The following LRSAM1 variants were observed in gnomAD, a reference collection of about 807,000 sequenced individuals.
The protein encoded by LRSAM1 is E3 ubiquitin-protein ligase LRSAM1.
In LRSAM1, 96 loss-of-function variants were observed where a neutral mutation model predicts 118.1. That is an observed-to-expected ratio of 0.81 (90% CI 0.69 to 0.96). The LOEUF is 0.96. Among genes scored for constraint, LRSAM1 ranks in the 40% least tolerant of loss-of-function variants. The pLI, the probability that LRSAM1 is intolerant of heterozygous loss-of-function variation, is 0.00. For synonymous variants in LRSAM1, 322 were observed against 364.2 expected, an observed-to-expected ratio of 0.88 and a Z score of 1.32; for missense variants, 804 against 915.5, an observed-to-expected ratio of 0.88 and a Z score of 1.57.
chr9:127,452,335 C>A (rs1047774902), intron 2 of LRSAM1: 1 of 152,262 alleles, frequency 6.6e-6, no homozygotes. Context: ...TGGGGGAGGG[C>A]TGTTTTCAAA....
intron 24 of LRSAM1, among the ~76,000 whole-genome samples, chr9:127,499,857 G>A (rs375299102): frequency 3.3e-5 from 5 of 151,782 alleles, no homozygotes; most frequent in South Asian, 2.1e-4. Context: ...TCCAGGAGGC[G>A]GAGGTTGCAG....
Position 127,462,484 on chromosome 9 carries a change from A to T in LRSAM1, c.528+111A>T, listed in dbSNP as rs1464725857. On this transcript the variant is annotated intron_variant, in intron 9 of 25. Transcript: ENST00000300417. ...CTCACGGTACCAGGGCCACACAGAG[A>T]TCCCAAGGCATGGTCCTTGGAGGCT... 4.5e-6 allele frequency: 7 copies of T among 1,550,304 alleles called. No individual in the cohort carries two copies. The East Asian group carries it at 1.4e-4, about 30-fold the overall frequency.
chr9:127,493,636 G>A (rs1214907168), intron 21 of LRSAM1, among the ~76,000 whole-genome samples: 2 of 152,182 alleles, frequency 1.3e-5, no homozygotes, highest in East Asian at 3.9e-4. Flanking sequence ...ACAGCCATGA[G>A]TATTCACTCC....
intron 17 of LRSAM1, chr9:127,486,803 G>A (rs1835748768): frequency 6.6e-6 from 1 of 152,238 alleles, no homozygotes. Flanking sequence ...ATAATCTCTA[G>A]TGCATAAAGG....
In LRSAM1 at chr9:127,489,527, T is replaced by TG. The variant is rs777176170; in HGVS notation, c.1422+13dup. 8.1e-6 allele frequency: 13 copies of TG among 1,603,512 alleles called. No individual in the cohort carries two copies. The South Asian group carries it at 1.5e-4, about 18-fold the overall frequency. On this transcript the variant is annotated intron_variant, in intron 19 of 25. Coordinates refer to ENST00000300417, the MANE Select transcript of LRSAM1 (RefSeq NM_001005373.4). ...GGCAGATCAGGAGCCAGGTGAGCGCTGGGGCTGGGGTCCCTGGACCTGCTC... is the reference window on the plus strand; with the variant it reads ...GGCAGATCAGGAGCCAGGTGAGCGCTGGGGGCTGGGGTCCCTGGACCTGCTC...
intron 21 of LRSAM1, 76 bp downstream of exon 21, chr9:127,492,973 A>G: frequency 8.4e-7 from 1 of 1,187,612 alleles, no homozygotes; most frequent in East Asian, 2.4e-5. Flanking sequence ...TTTTAGAAAC[A>G]CCTGTTATTC....
chr9:127,474,087 T>C (rs947924235), intron 11 of LRSAM1, among the ~76,000 whole-genome samples, 156 bp downstream of exon 11: 2 of 152,162 alleles, frequency 1.3e-5, no homozygotes, highest in African/African-American at 2.4e-5. Context: ...CGAGTTGAAC[T>C]GCTTTTTCAA....
chr9:127,464,710 C>G (rs1251300517), intron 9 of LRSAM1, among the ~76,000 whole-genome samples: 1 of 151,698 alleles, frequency 6.6e-6, no homozygotes, highest in Non-Finnish European at 1.5e-5. Flanking sequence ...GTGGCTCAAT[C>G]ATAGCTCACT....
chr9:127,459,419 T>G (rs2488899), intron 7 of LRSAM1, among the ~76,000 whole-genome samples: 2 of 151,818 alleles, frequency 1.3e-5, no homozygotes, highest in South Asian at 4.2e-4. Flanking sequence ...GTGTTTCGCC[T>G]TGTTGGCCTG....
At chr9:127,493,164 C>A (rs1384848909) in intron 21 of LRSAM1, among the ~76,000 whole-genome samples, 1 of 152,130 alleles carries the variant, frequency 6.6e-6, no homozygotes, top group African/African-American at 2.4e-5. Flanking sequence ...TGGGCTCAAG[C>A]GATCCTCCCA....
chr9:127,471,099 A>T (rs908406128), intron 10 of LRSAM1: 1 of 151,994 alleles, frequency 6.6e-6, no homozygotes, highest in African/African-American at 2.4e-5. Flanking sequence ...CACATATGCA[A>T]ATTAGAGTCT....
At chr9:127,457,181 C>G in intron 5 of LRSAM1, 135 bp from the exon 6 acceptor site, 1 of 860,446 alleles carries the variant, frequency 1.2e-6, no homozygotes. Flanking sequence ...TGATACTGAC[C>G]CGCATCCCCG....
chr9:127,501,132 C>T lies in LRSAM1; in HGVS notation c.2035C>T (p.Leu679=). 6.2e-7 allele frequency: 1 copy of T among 1,613,378 alleles called. No homozygotes were observed. The highest frequency in any genetic ancestry group is 8.5e-7 in the Non-Finnish European group (1 of 1,180,006). The part of the protein sequence containing the change: ...EVQASECVVC[L]EREAQMIFLN... Reference sequence around the variant, plus strand: ...GCAGGCCTCAGAGTGTGTCGTGTGCCTGGAACGGGAGGTAAGTCCGGGGCC... The same window carrying T: ...GCAGGCCTCAGAGTGTGTCGTGTGCTTGGAACGGGAGGTAAGTCCGGGGCC... Residue 679 remains leucine, a synonymous_variant, in exon 25 of 26, where the codon CTG becomes TTG. Transcript: ENST00000300417.
rs1372815765 is a variant in LRSAM1, at chr9:127,503,302, G to A, written c.*403G>A. 7 of 278,692 alleles carry A rather than the reference G, an allele frequency of 2.5e-5. No individual in the cohort carries two copies. Among genetic ancestry groups the A allele is most frequent in the East Asian group, 2.0e-4 (2 of 10,238 alleles). The allele number at this position is 278,692 out of a possible 1,614,324, so 17.3% of individuals were successfully genotyped here. On this transcript the variant is annotated 3_prime_UTR_variant, in exon 26 of 26. Transcript: ENST00000300417. The stretch of plus-strand genomic sequence containing the variant: ...CCTGCATGTGGGAAGGGAGCAGGAG[G>A]GCCTGGCTGGGTGAGGGGAGGCCTT...
intron 16 of LRSAM1, among the ~76,000 whole-genome samples, chr9:127,485,466 G>T (rs1018491802): frequency 6.6e-6 from 1 of 152,168 alleles, no homozygotes; most frequent in African/African-American, 2.4e-5. Context: ...CTGAGGAGGA[G>T]AATGGCGGGA....
rs1206110152 is a variant in LRSAM1, at chr9:127,467,663, C to A, written c.529-77C>A. ...CTGGGTAGAGGTGACAGAGAACACACAAATTGATAAGGAAATCGTGTGGTC... is the reference window on the plus strand; with the variant it reads ...CTGGGTAGAGGTGACAGAGAACACAAAAATTGATAAGGAAATCGTGTGGTC... On this transcript the variant is annotated intron_variant, in intron 9 of 25. Coordinates refer to ENST00000300417, the MANE Select transcript of LRSAM1 (RefSeq NM_001005373.4). 4.3e-6 allele frequency: 6 copies of A among 1,388,840 alleles called. No homozygotes were observed. In the Admixed American group the frequency reaches 1.2e-4, roughly 27 times the overall value. The allele number at this position is 1,388,840 out of a possible 1,614,324, so 86.0% of individuals were successfully genotyped here. A position where few individuals can be genotyped will look rare whatever the true frequency, so the allele number is the denominator to read the frequency against.
chr9:127,462,109 C>T (rs1360053656), intron 8 of LRSAM1, 143 bp from the exon 9 acceptor site: 2 of 1,158,052 alleles, frequency 1.7e-6, no homozygotes, highest in African/African-American at 3.1e-5. Context: ...TGAACTGGAA[C>T]TCCACCTTCT....
chr9:127,493,046 G>A, intron 21 of LRSAM1, 149 bp downstream of exon 21: 1 of 750,408 alleles, frequency 1.3e-6, no homozygotes, highest in South Asian at 1.5e-5. Flanking sequence ...GCATTTCCAA[G>A]CGTTATCTCC....
intron 10 of LRSAM1, among the ~76,000 whole-genome samples, chr9:127,473,594 A>G (rs1564265213): frequency 6.6e-6 from 1 of 152,142 alleles, no homozygotes; most frequent in African/African-American, 2.4e-5. Flanking sequence ...GTACCCATTG[A>G]CTCACTCCAC....
Sources: allele counts gnomAD v4.1 joint callset (sites outside exome capture counted in the v4.1 genomes callset), GRCh38; gene constraint gnomAD v4.1.1; transcripts MANE v1.5; gene names NCBI Gene and HGNC (gene_info 2026-07-23, HGNC 2026-07-21).